Variants in GALNT5 observed in about 807,000 individuals in gnomAD.
The protein encoded by GALNT5 is polypeptide N-acetylgalactosaminyltransferase 5, also known as UDP-GalNAc:polypeptide N-acetylgalactosaminyltransferase 5.
A neutral mutation model predicts 85.4 loss-of-function variants in GALNT5; 72 were observed. The observed-to-expected ratio is 0.84, with a 90% CI of 0.70 to 1.03. The LOEUF (loss-of-function observed/expected upper bound fraction) is 1.03. Among genes scored for constraint, GALNT5 ranks in the 50% least tolerant of loss-of-function variants. The pLI is 0.00. For missense variants in GALNT5, 1,137 were observed against 1,135.5 expected, an observed-to-expected ratio of 1.00 and a Z score of -0.02; for synonymous variants, 404 against 397.0, an observed-to-expected ratio of 1.02 and a Z score of -0.21.
intron 3 of GALNT5, among the ~76,000 whole-genome samples, chr2:157,287,374 A>C (rs769898846): frequency 4.6e-5 from 7 of 151,720 alleles, no homozygotes; most frequent in Admixed American, 1.3e-4. Flanking sequence ...GAAAATCTCT[A>C]TCTCTCCCTC....
chr2:157,313,662 T>C lies in GALNT5; in HGVS notation c.*2314T>C, dbSNP rs960825874. 6.6e-6 allele frequency: 1 copy of C among 152,142 alleles called. No homozygotes were observed. Among genetic ancestry groups the C allele is most frequent in the African/African-American group, 2.4e-5 (1 of 41,434 alleles). The allele number at this position is 152,142 out of a possible 1,614,324, so 9.4% of individuals were successfully genotyped here. ...ATAGTTTCCACAAAGAAGTCAACTCTGTTCTGAAAAAAAATGAATTGCATT... is the reference window on the plus strand; with the variant it reads ...ATAGTTTCCACAAAGAAGTCAACTCCGTTCTGAAAAAAAATGAATTGCATT... On this transcript the variant is annotated 3_prime_UTR_variant, in exon 10 of 10. Transcript: ENST00000259056.
intron 5 of GALNT5, among the ~76,000 whole-genome samples, 190 bp from the exon 6 acceptor site, chr2:157,299,358 C>G (rs761792088): frequency 6.6e-5 from 10 of 152,300 alleles, no homozygotes; most frequent in Middle Eastern, 3.4e-3. Context: ...TGAACCTAAT[C>G]TAGCTCTGCC....
rs940923053 is a variant in GALNT5, at chr2:157,311,260, A to G, written c.2735A>G (p.Asn912Ser). 2 of 1,610,172 alleles carry G rather than the reference A, an allele frequency of 1.2e-6. No homozygotes were observed. The highest frequency in any genetic ancestry group is 1.7e-6 in the Non-Finnish European group (2 of 1,177,108). Reference sequence around the variant, plus strand: ...CAGCAATTATTATGCTTGGAAGGAAATTTTTCTCAAAAGATCCTGAAAGTA... The same window carrying G: ...CAGCAATTATTATGCTTGGAAGGAAGTTTTTCTCAAAAGATCCTGAAAGTA... ...NNQQLLCLEG[N>S]FSQKILKVAA... The change falls in exon 10 of 10, where the codon AAT (asparagine) becomes AGT (serine). Residue 912 changes from asparagine to serine, a missense_variant. By Grantham distance (46) the Asn-to-Ser change is conservative. Transcript: ENST00000259056.
At position 157,284,502 on chromosome 2, in the gene GALNT5, A is replaced by C; in HGVS notation, c.1621+54A>C. 2.1e-6 allele frequency: 3 copies of C among 1,419,490 alleles called. No homozygotes were observed. In the East Asian group the frequency reaches 6.9e-5, roughly 33 times the overall value. 87.9% of individuals were successfully genotyped at this position (1,419,490 alleles called of 1,614,324 possible). On this transcript the variant is annotated intron_variant, in intron 2 of 9. Coordinates refer to ENST00000259056, the MANE Select transcript of GALNT5 (RefSeq NM_014568.3). Reference sequence around the variant, plus strand: ...AAATTTCAAAGTTTGGCAGAAGCAAAGTTTAGTAGCAGTTTGGATGGCAAA... The same window carrying C: ...AAATTTCAAAGTTTGGCAGAAGCAACGTTTAGTAGCAGTTTGGATGGCAAA...
intron 1 of GALNT5, among the ~76,000 whole-genome samples, chr2:157,268,085 T>G (rs141674441): frequency 6.6e-6 from 1 of 152,140 alleles, no homozygotes. Context: ...AGTAGTTGAA[T>G]TGCAAATAGA....
intron 1 of GALNT5, among the ~76,000 whole-genome samples, chr2:157,280,493 G>T (rs568785938): frequency 1.9e-4 from 29 of 152,352 alleles, no homozygotes; most frequent in African/African-American, 6.5e-4. Flanking sequence ...AGGTCCTACT[G>T]ACATCTTGGT....
intron 3 of GALNT5, among the ~76,000 whole-genome samples, chr2:157,291,426 T>G (rs1464955721): frequency 6.6e-6 from 1 of 152,086 alleles, no homozygotes; most frequent in Non-Finnish European, 1.5e-5. Flanking sequence ...CAGGTAAAAA[T>G]TTTTTCCTTA....
intron 3 of GALNT5, 130 bp downstream of exon 3, chr2:157,286,264 A>G (rs1436161812): frequency 2.9e-6 from 2 of 700,626 alleles, no homozygotes; most frequent in South Asian, 1.9e-5. Context: ...CATCAATTTT[A>G]AACAGTTTTT....
Position 157,257,959 on chromosome 2 carries a change from CA to C in GALNT5, c.-123del, listed in dbSNP as rs1682223043. On this transcript the variant is annotated 5_prime_UTR_variant, in exon 1 of 10. Transcript: ENST00000259056. ...TTGGACTGCTGCTTCCTGCTGTGTTCAGGGGAGGGGGTCACTTTCTGGCAAC... is the reference window on the plus strand; with the variant it reads ...TTGGACTGCTGCTTCCTGCTGTGTTCGGGGAGGGGGTCACTTTCTGGCAAC... 6 of 960,688 alleles carry C rather than the reference CA, an allele frequency of 6.2e-6. No individual in the cohort carries two copies. The highest frequency in any genetic ancestry group is 9.8e-6 in the Non-Finnish European group (6 of 613,396). The allele number at this position is 960,688 out of a possible 1,614,324, so 59.5% of individuals were successfully genotyped here.
chr2:157,304,809 C>T (rs1683418850), intron 7 of GALNT5, among the ~76,000 whole-genome samples: 1 of 152,178 alleles, frequency 6.6e-6, no homozygotes. Context: ...GACCAATGTA[C>T]TGAGCCCCCT....
At chr2:157,303,951 C>T (rs1001155904) in intron 7 of GALNT5, among the ~76,000 whole-genome samples, 4 of 152,204 alleles carry the variant, frequency 2.6e-5, no homozygotes, top group African/African-American at 9.6e-5. Flanking sequence ...GCAAGCTGAA[C>T]ATTAACACCC....
intron 1 of GALNT5, among the ~76,000 whole-genome samples, chr2:157,259,783 C>CTG (rs1371825682): frequency 1.3e-5 from 2 of 152,208 alleles, no homozygotes; most frequent in African/African-American, 4.8e-5. Context: ...TTTCTTCCCT[C>CTG]TGTTGAAAAC....
intron 4 of GALNT5, 128 bp from the exon 5 acceptor site, chr2:157,296,266 G>A (rs946993278): frequency 2.1e-5 from 13 of 628,056 alleles, no homozygotes; most frequent in Non-Finnish European, 5.5e-6. Flanking sequence ...ATTATTAAAA[G>A]GTGGTGATCT....
intron 2 of GALNT5, among the ~76,000 whole-genome samples, chr2:157,285,465 C>T (rs1270465642): frequency 6.6e-6 from 1 of 152,148 alleles, no homozygotes; most frequent in Admixed American, 6.5e-5. Context: ...TGATTACACA[C>T]AGAAATGACT....
At chr2:157,260,599 T>A (rs1439527115) in intron 1 of GALNT5, among the ~76,000 whole-genome samples, 1 of 152,232 alleles carries the variant, frequency 6.6e-6, no homozygotes, top group African/African-American at 2.4e-5. Context: ...TTGGGGAATG[T>A]CAAGATTGAG....
chr2:157,294,232 CAGG>C (rs963854661), intron 3 of GALNT5, among the ~76,000 whole-genome samples: 38 of 152,314 alleles, frequency 2.5e-4, no homozygotes, highest in African/African-American at 9.1e-4. Flanking sequence ...GGAGGCTGAA[CAGG>C]AGAAGGCACT....
At chr2:157,269,210 C>T (rs1336338836) in intron 1 of GALNT5, among the ~76,000 whole-genome samples, 2 of 152,136 alleles carry the variant, frequency 1.3e-5, no homozygotes, top group African/African-American at 2.4e-5. Context: ...GGGGGTTTCC[C>T]ACTGTTCCTT....
At chr2:157,311,063 G>GTTTATGTTA in intron 9 of GALNT5, 145 bp from the exon 10 acceptor site, 2 of 685,648 alleles carry the variant, frequency 2.9e-6, no homozygotes, top group Non-Finnish European at 5.1e-6. Flanking sequence ...CAAAGTCTGT[G>GTTTATGTTA]TTTATGTTAA....
At chr2:157,281,247 TAC>T (rs1340478840) in intron 1 of GALNT5, among the ~76,000 whole-genome samples, 1 of 152,130 alleles carries the variant, frequency 6.6e-6, no homozygotes, top group African/African-American at 2.4e-5. Flanking sequence ...GTATTTTCAG[TAC>T]AGACTGGATT....
Sources: gnomAD v4.1 joint callset for allele counts (sites outside exome capture counted in the v4.1 genomes callset) on GRCh38, gnomAD v4.1.1 for gene constraint, MANE v1.5 for transcripts, NCBI Gene and HGNC (gene_info 2026-07-23, HGNC 2026-07-21) for gene names.